Variants in GEN1 observed in about 807,000 individuals in gnomAD.
GEN1 encodes flap endonuclease GEN homolog 1.
GEN1 carries 64 observed loss-of-function variants against 67.6 expected under a neutral mutation model. The observed-to-expected ratio is 0.95, with a 90% confidence interval of 0.77 to 1.17. The LOEUF (loss-of-function observed/expected upper bound fraction) is 1.17. Ranked by LOEUF, GEN1 falls within the 50% of genes most tolerant of loss-of-function variation. The pLI, the probability that GEN1 is intolerant of heterozygous loss-of-function variation, is 0.00. For synonymous variants in GEN1, 371 were observed against 359.4 expected, an observed-to-expected ratio of 1.03 and a Z score of -0.37; for missense variants, 1,058 against 1,048.3, an observed-to-expected ratio of 1.01 and a Z score of -0.13.
intron 4 of GEN1, 181 bp downstream of exon 4, chr2:17,765,254 GA>G (rs1671873201): frequency 1.8e-6 from 1 of 550,078 alleles, no homozygotes; most frequent in African/African-American, 2.0e-5. Flanking sequence ...TCAAAATGTG[GA>G]TTTATCTCAT....
At chr2:17,776,667 C>T (rs1218073034) in intron 11 of GEN1, among the ~76,000 whole-genome samples, 1 of 152,220 alleles carries the variant, frequency 6.6e-6, no homozygotes, top group African/African-American at 2.4e-5. Context: ...TCTGATAGCA[C>T]ACATCTTTCA....
intron 12 of GEN1, 65 bp downstream of exon 12, chr2:17,778,128 T>A: frequency 1.3e-6 from 1 of 764,130 alleles, no homozygotes; most frequent in Middle Eastern, 2.4e-4. Context: ...CTAGTAAATA[T>A]TGTATATGTG....
At chr2:17,777,383 C>G (rs1202492362) in intron 11 of GEN1, among the ~76,000 whole-genome samples, 1 of 151,916 alleles carries the variant, frequency 6.6e-6, no homozygotes, top group Non-Finnish European at 1.5e-5. Context: ...CTTAAGAGTA[C>G]CTGCTAGAAA....
In GEN1 at chr2:17,765,069, C is replaced by G. The variant is rs761577393; in HGVS notation, c.521C>G (p.Thr174Arg). ...GTTTACAGGAATTTCACTATGAATA[C>G]AAAGGTGTTTATTTTCTTTCTCTTT... ...QTVYRNFTMN[T>R]KDPHVDCYTM... is the part of the protein sequence containing the mutation. Residue 174 changes from threonine to arginine, a missense_variant, in exon 4 of 14, where the codon ACA (threonine) becomes AGA (arginine). Thr to Arg is a moderately conservative substitution (Grantham distance 71). Transcript: ENST00000381254. The G allele has an allele frequency of 1.2e-6, 2 of 1,613,064 alleles. No homozygotes were observed. Among genetic ancestry groups the G allele is most frequent in the African/African-American group, 2.7e-5 (2 of 74,866 alleles).
Position 17,765,131 on chromosome 2 carries a change from C to G in GEN1, c.525+58C>G, listed in dbSNP as rs1462642388. ...TTTACGAACTACCTTTTTTAAAGGG[C>G]TGATTAAATGAAATAGTAGATATAA... On this transcript the variant is annotated intron_variant, in intron 4 of 13. Transcript: ENST00000381254. 2.0e-6 allele frequency: 3 copies of G among 1,509,112 alleles called. No individual in the cohort carries two copies. The African/African-American group carries it at 4.1e-5, about 21-fold the overall frequency. The allele number at this position is 1,509,112 out of a possible 1,614,324, so 93.5% of individuals were successfully genotyped here.
intron 6 of GEN1, 52 bp from the exon 7 acceptor site, chr2:17,771,143 GT>G (rs748738454): frequency 9.7e-7 from 1 of 1,029,256 alleles, no homozygotes; most frequent in Non-Finnish European, 1.5e-6. Flanking sequence ...AGAACATACC[GT>G]TTTTGTGACC....
chr2:17,781,671 T>G lies in GEN1; in HGVS notation c.2459T>G (p.Met820Arg), dbSNP rs1371303303. 1 of 1,614,026 alleles carries G rather than the reference T, an allele frequency of 6.2e-7. No individual in the cohort carries two copies. Among genetic ancestry groups the G allele is most frequent in the Non-Finnish European group, 8.5e-7 (1 of 1,179,940 alleles). ...FGKAKYTTQR[M>R]KHSSQKHNSS... ...AAAGCTAAGTACACAACTCAAAGAA[T>G]GAAGCACAGTTCTCAAAAGCATAAT... Residue 820 changes from methionine (M) to arginine (R), a missense_variant, in exon 14 of 14, where the codon ATG becomes AGG. By Grantham distance (91) the Met-to-Arg change is moderately conservative (BLOSUM62 -1). Transcript: ENST00000381254.
intron 3 of GEN1, among the ~76,000 whole-genome samples, chr2:17,762,025 T>G (rs1198706897): frequency 1.3e-5 from 2 of 152,136 alleles, no homozygotes; most frequent in Non-Finnish European, 2.9e-5. Context: ...AGAATATATA[T>G]TTGGCTTCCC....
rs368791395 is a variant in GEN1 at position 17,780,757 on chromosome 2, T to C, written c.1545T>C (p.Pro515=). Residue 515 remains proline (P), a synonymous_variant, in exon 14 of 14, where the codon CCT becomes CCC. Coordinates refer to ENST00000381254, the MANE Select transcript of GEN1 (RefSeq NM_001130009.3). ...SKLNSGISPD[P]TLPQESISAS... is the part of the protein sequence containing the mutation. ...TAAATTCGGGGATTTCCCCTGATCC[T>C]ACATTACCACAGGAATCTATTTCTG... is the stretch of plus-strand genomic sequence containing the variant. The C allele has an allele frequency of 2.5e-5, 40 of 1,613,902 alleles. No homozygotes were observed. The highest frequency in any genetic ancestry group is 3.2e-5 in the Non-Finnish European group (38 of 1,179,922).
chr2:17,775,214 T>C (rs995200970), intron 11 of GEN1, among the ~76,000 whole-genome samples: 4 of 152,110 alleles, frequency 2.6e-5, no homozygotes, highest in African/African-American at 9.7e-5. Flanking sequence ...TATAAAAATG[T>C]GTGTAAATGG....
In GEN1 at chr2:17,773,291, T is replaced by C. The variant is rs148928887; in HGVS notation, c.1063T>C (p.Leu355=). ...VIRYQRPDLL[L]FQRFTLEKME... ...CAGGTACCAAAGACCTGATTTGTTATTGTTTCAGGTATCTGAAAATAAATT... is the reference window on the plus strand; with the variant it reads ...CAGGTACCAAAGACCTGATTTGTTACTGTTTCAGGTATCTGAAAATAAATT... Residue 355 remains leucine, a synonymous_variant, in exon 10 of 14, where the codon TTG becomes CTG. Coordinates refer to ENST00000381254, the MANE Select transcript of GEN1 (RefSeq NM_001130009.3). The C allele has an allele frequency of 3.2e-6, 5 of 1,569,766 alleles. No homozygotes were observed. In the African/African-American group the frequency reaches 4.1e-5, roughly 13 times the overall value.
chr2:17,777,962 C>T (rs766848771), intron 11 of GEN1, 40 bp from the exon 12 acceptor site: 11 of 1,133,596 alleles, frequency 9.7e-6, no homozygotes, highest in Non-Finnish European at 1.2e-5. Context: ...TTCCAAATAT[C>T]TTATGCAATT....
In GEN1 at chr2:17,782,729, T is replaced by C. The variant is rs1672902825; in HGVS notation, c.*790T>C. 1.3e-5 allele frequency: 2 copies of C among 152,244 alleles called. No individual in the cohort carries two copies. Among genetic ancestry groups the C allele is most frequent in the African/African-American group, 4.8e-5 (2 of 41,472 alleles). 9.4% of individuals were successfully genotyped at this position (152,244 alleles called of 1,614,324 possible). ...ACTAGCCCAGGATCACGTAGCTAAC[T>C]AATAATCCTGTGGGAATCAGTTTTC... is the stretch of plus-strand genomic sequence containing the variant. On this transcript the variant is annotated 3_prime_UTR_variant, in exon 14 of 14. Coordinates refer to ENST00000381254, the MANE Select transcript of GEN1 (RefSeq NM_001130009.3).
At chr2:17,780,576 G>A in intron 13 of GEN1, 45 bp from the exon 14 acceptor site, 1 of 1,274,370 alleles carries the variant, frequency 7.8e-7, no homozygotes, top group Non-Finnish European at 1.1e-6. Context: ...CCAAGTTAAA[G>A]CAAAGAAAAT....
chr2:17,764,218 A>G (rs773119768), intron 3 of GEN1, among the ~76,000 whole-genome samples: 30 of 152,204 alleles, frequency 2.0e-4, no homozygotes, highest in Non-Finnish European at 3.5e-4. Flanking sequence ...GTTTCCCACA[A>G]TACGAGAGTT....
At chr2:17,779,318 C>G (rs1240180461) in intron 12 of GEN1, among the ~76,000 whole-genome samples, 1 of 152,158 alleles carries the variant, frequency 6.6e-6, no homozygotes, top group African/African-American at 2.4e-5. Context: ...GAAACTGTTT[C>G]ATTTCTTACC....
chr2:17,764,836 TAGTA>T, intron 3 of GEN1, 57 bp from the exon 4 acceptor site: 1 of 1,445,356 alleles, frequency 6.9e-7, no homozygotes, highest in Non-Finnish European at 9.5e-7. Context: ...ATAGGTTTAA[TAGTA>T]AATAAATGAG....
chr2:17,778,619 A>G (rs1672673340), intron 12 of GEN1, among the ~76,000 whole-genome samples: 1 of 152,048 alleles, frequency 6.6e-6, no homozygotes, highest in Non-Finnish European at 1.5e-5. Flanking sequence ...TCAATTTGAC[A>G]TTTCTTTTGT....
chr2:17,780,254 C>A (rs1310479402), intron 13 of GEN1, 133 bp downstream of exon 13: 25 of 709,094 alleles, frequency 3.5e-5, no homozygotes, highest in Non-Finnish European at 5.3e-5. Context: ...TTGTATTCTT[C>A]CTTCTTTGTC....
Sources: gnomAD v4.1 joint callset for allele counts (sites outside exome capture counted in the v4.1 genomes callset) on GRCh38, gnomAD v4.1.1 for gene constraint, MANE v1.5 for transcripts, NCBI Gene and HGNC (gene_info 2026-07-23, HGNC 2026-07-21) for gene names.